Variants in CBLB observed in about 807,000 individuals in gnomAD.
CBLB encodes Cbl proto-oncogene B, also known as E3 ubiquitin-protein ligase CBL-B.
Under a neutral mutation model 104.9 loss-of-function variants are expected in CBLB, and 31 were observed. The ratio of observed to expected loss-of-function variants is 0.30; its 90% CI spans 0.22 to 0.40. The LOEUF is 0.40. Among genes scored for constraint, CBLB ranks in the 10% least tolerant of loss-of-function variants. CBLB has a pLI of 1.00. For missense variants in CBLB, 1,062 were observed against 1,214.6 expected (o/e 0.87, Z 1.87); for synonymous variants, 440 against 422.6 (o/e 1.04, Z -0.51).
intron 3 of CBLB, among the ~76,000 whole-genome samples, chr3:105,812,716 T>G (rs1024006649): frequency 6.6e-5 from 10 of 152,322 alleles, no homozygotes; most frequent in Non-Finnish European, 1.5e-5. Flanking sequence ...GAAGATCTTA[T>G]AGGTGATATT....
chr3:105,777,117 A>C (rs148439536), intron 3 of CBLB, among the ~76,000 whole-genome samples: 76 of 152,364 alleles, frequency 5.0e-4, no homozygotes, highest in African/African-American at 1.8e-3. Flanking sequence ...CAGTGAAAGC[A>C]GAGCAGAGGG....
intron 4 of CBLB, among the ~76,000 whole-genome samples, chr3:105,752,667 A>AT: frequency 6.6e-6 from 1 of 152,216 alleles, no homozygotes; most frequent in East Asian, 1.9e-4. Flanking sequence ...GCCCCATGCT[A>AT]TATCAATCCT....
At chr3:105,670,880 A>G in intron 17 of CBLB, 1 of 160,478 alleles carries the variant, frequency 6.2e-6, no homozygotes, top group Non-Finnish European at 1.4e-5. Context: ...TTCTGTACAT[A>G]CAAGGTGCTT....
intron 9 of CBLB, among the ~76,000 whole-genome samples, chr3:105,730,912 C>G (rs1415050944): frequency 6.6e-6 from 1 of 152,034 alleles, no homozygotes; most frequent in Non-Finnish European, 1.5e-5. Context: ...TAGCTAAACA[C>G]AATTTTCAGA....
At chr3:105,736,657 T>C (rs2074982960) in intron 8 of CBLB, among the ~76,000 whole-genome samples, 1 of 152,140 alleles carries the variant, frequency 6.6e-6, no homozygotes, top group Non-Finnish European at 1.5e-5. Context: ...ATGGGATCTA[T>C]TACATATATA....
chr3:105,666,177 AGT>A (rs1428512771), intron 18 of CBLB, among the ~76,000 whole-genome samples: 1 of 152,224 alleles, frequency 6.6e-6, no homozygotes, highest in African/African-American at 2.4e-5. Context: ...TTAGTAAACC[AGT>A]GACAATTCTT....
At chr3:105,782,231 A>G (rs980823489) in intron 3 of CBLB, among the ~76,000 whole-genome samples, 19 of 152,210 alleles carry the variant, frequency 1.2e-4, no homozygotes, top group African/African-American at 4.3e-4. Context: ...TAAGGAGAGT[A>G]CACAACAGAC....
intron 9 of CBLB, among the ~76,000 whole-genome samples, chr3:105,732,786 A>G (rs1234216643): frequency 6.6e-6 from 1 of 152,150 alleles, no homozygotes; most frequent in Non-Finnish European, 1.5e-5. Flanking sequence ...TCCTCAACTC[A>G]TGCAGAGATG....
rs144672140 is a variant in CBLB, at chr3:105,768,781, C to T, written c.566+7615G>A. ...AGTATAGAGTAATTAACATAGATCA[C>T]GTAGAAGGGTGTATATGAATGAGAA... is the stretch of plus-strand genomic sequence containing the variant. On this transcript the variant is annotated intron_variant, in intron 4 of 18. Coordinates refer to ENST00000394030, the MANE Select transcript of CBLB (RefSeq NM_170662.5). Among the ~76,000 whole-genome samples the T allele has an allele frequency of 2.9e-3, 447 of 151,850 alleles. 10 individuals are homozygous for T. The East Asian group carries it at 0.076, about 26-fold the overall frequency.
At chr3:105,720,598 T>C (rs144711936) in intron 9 of CBLB, among the ~76,000 whole-genome samples, 410 of 152,320 alleles carry the variant, frequency 2.7e-3, no homozygotes, top group African/African-American at 8.5e-3. Flanking sequence ...TATCTCTCCT[T>C]ATGAAAAGAG....
At chr3:105,867,222 G>T (rs773089888) in intron 2 of CBLB, among the ~76,000 whole-genome samples, 188 bp downstream of exon 2, 5 of 152,122 alleles carry the variant, frequency 3.3e-5, no homozygotes, top group Non-Finnish European at 1.5e-5. Context: ...AGGATGAAAG[G>T]TTAAAAAACA....
intron 5 of CBLB, among the ~76,000 whole-genome samples, chr3:105,749,055 AAATAT>A (rs1465191753): frequency 1.3e-5 from 2 of 152,366 alleles, no homozygotes; most frequent in East Asian, 1.9e-4. Context: ...AGGATTTAAT[AAATAT>A]AATACATTTA....
intron 4 of CBLB, among the ~76,000 whole-genome samples, chr3:105,755,092 T>C (rs935890968): frequency 2.0e-5 from 3 of 151,728 alleles, no homozygotes; most frequent in Admixed American, 6.6e-5. Context: ...GTTAGTTACA[T>C]ATGTATACAT....
intron 4 of CBLB, among the ~76,000 whole-genome samples, chr3:105,774,933 C>T (rs1484394136): frequency 6.6e-6 from 1 of 152,114 alleles, no homozygotes; most frequent in African/African-American, 2.4e-5. Context: ...TTGAACTAAG[C>T]TTACAATGTT....
chr3:105,686,623 A>T (rs1400272680), intron 13 of CBLB, among the ~76,000 whole-genome samples: 1 of 152,116 alleles, frequency 6.6e-6, no homozygotes, highest in East Asian at 1.9e-4. Flanking sequence ...TGACCATTAC[A>T]AGAAGGCATT....
chr3:105,831,594 A>G (rs889544149), intron 3 of CBLB, among the ~76,000 whole-genome samples: 5 of 152,276 alleles, frequency 3.3e-5, no homozygotes, highest in African/African-American at 1.2e-4. Flanking sequence ...GAGAACTTCA[A>G]TTATACTTTG....
At chr3:105,741,179 C>T (rs1031327906) in intron 6 of CBLB, among the ~76,000 whole-genome samples, 2 of 125,906 alleles carry the variant, frequency 1.6e-5, no homozygotes, top group Non-Finnish European at 3.2e-5. Context: ...GTAATTTAGA[C>T]ATTAAAATTA....
intron 3 of CBLB, among the ~76,000 whole-genome samples, chr3:105,826,361 CA>C (rs1443180346): frequency 6.6e-6 from 1 of 152,100 alleles, no homozygotes; most frequent in Middle Eastern, 3.2e-3. Flanking sequence ...AAATATTAAA[CA>C]AGACATGCTA....
intron 4 of CBLB, among the ~76,000 whole-genome samples, chr3:105,754,161 G>T (rs978356413): frequency 2.6e-5 from 4 of 151,928 alleles, no homozygotes; most frequent in Non-Finnish European, 5.9e-5. Flanking sequence ...TAGGGGGAAG[G>T]GGATTTCAAG....
Sources: allele counts gnomAD v4.1 joint callset (sites outside exome capture counted in the v4.1 genomes callset), GRCh38; gene constraint gnomAD v4.1.1; transcripts MANE v1.5; gene names NCBI Gene and HGNC (gene_info 2026-07-23, HGNC 2026-07-21).